The following OR6K6 variants were observed in gnomAD, a reference collection of about 807,000 sequenced individuals.
The protein encoded by OR6K6 is olfactory receptor 6K6.
OR6K6 carries 9 observed loss-of-function variants against 8.1 expected under a neutral mutation model. That is an observed-to-expected ratio of 1.11 (90% CI 0.67 to 1.94). The LOEUF (loss-of-function observed/expected upper bound fraction) is 1.94, where lower values mean the gene tolerates loss of function less well. Among genes scored for constraint, OR6K6 ranks in the 30% most tolerant of loss-of-function variants. OR6K6 has a pLI of 0.00. For missense variants in OR6K6, 400 were observed against 383.1 expected, an observed-to-expected ratio of 1.04 and a Z score of -0.37; for synonymous variants, 156 against 140.3, an observed-to-expected ratio of 1.11 and a Z score of -0.79.
At chr1:158,754,843 C>T (rs1241966698) in exon 1 of OR6K6, 1 of 1,611,594 alleles carries the variant, frequency 6.2e-7, no homozygotes, top group Non-Finnish European at 8.5e-7. Flanking sequence ...GGGTAATCAA[C>T]ATTCCAATTA....
chr1:158,755,253 G>A, exon 1 of OR6K6: 12 of 1,614,010 alleles, frequency 7.4e-6, no homozygotes, highest in Non-Finnish European at 9.3e-6. Flanking sequence ...TGACAGCAAT[G>A]GCCATTGACA....
exon 1 of OR6K6, chr1:158,755,031 A>G (rs1656954515): frequency 6.2e-7 from 1 of 1,614,076 alleles, no homozygotes; most frequent in African/African-American, 1.3e-5. Context: ...GAAACCTAAT[A>G]ATGTTCATTG....
rs763977258 is a variant in OR6K6 at position 158,755,309 on chromosome 1, T to C, written c.422T>C (p.Ile141Thr). Residue 141 changes from isoleucine (I) to threonine (T), a missense_variant, in exon 1 of 1, where the codon ATT becomes ACT. By Grantham distance (89) the Ile-to-Thr change is moderately conservative. Transcript: ENST00000641861. ...CCACTCCGTTACCCAACCATCATGATTCCCAAACTTTGTATCCAGCTGACA... is the reference window on the plus strand; with the variant it reads ...CCACTCCGTTACCCAACCATCATGACTCCCAAACTTTGTATCCAGCTGACA... The C allele has an allele frequency of 2.5e-6, 4 of 1,614,018 alleles. No individual in the cohort carries two copies. The highest frequency in any genetic ancestry group is 4.5e-5 in the East Asian group (2 of 44,892).
chr1:158,754,930 G>A lies in OR6K6; in HGVS notation c.43G>A (p.Glu15Lys), dbSNP rs767971293. 1.6e-5 allele frequency: 26 copies of A among 1,614,062 alleles called. No individual in the cohort carries two copies. Among genetic ancestry groups the A allele is most frequent in the Admixed American group, 3.3e-5 (2 of 60,008 alleles). Reference sequence around the variant, plus strand: ...CAGTGGGAATCAGACAATGGTGACTGAGTTCCTCTTCTCTATGTTCCCGCA... The same window carrying A: ...CAGTGGGAATCAGACAATGGTGACTAAGTTCCTCTTCTCTATGTTCCCGCA... Residue 15 changes from glutamate to lysine, a missense_variant, in exon 1 of 1, where the codon GAG becomes AAG. Glu to Lys is a moderately conservative substitution (Grantham distance 56). Coordinates refer to ENST00000641861, the Ensembl canonical transcript of OR6K6.
rs559439148 is a variant in OR6K6 at position 158,755,819 on chromosome 1, A to G, written c.932A>G (p.Gln311Arg). 54 of 1,610,142 alleles carry G rather than the reference A, an allele frequency of 3.4e-5. No individual in the cohort carries two copies. The South Asian group carries it at 5.9e-4, about 17-fold the overall frequency. ...GCTATTGGAAGGCTTTTCCACTATC[A>G]GAAGAGGGCTGGTTGGGCTGGGAAA... Residue 311 changes from glutamine to arginine, a missense_variant, in exon 1 of 1, where the codon CAG (glutamine) becomes CGG (arginine). By Grantham distance (43) the Gln-to-Arg change is conservative. Transcript: ENST00000641861.
rs114868329 is a variant in OR6K6, at chr1:158,755,505, T to C, written c.618T>C (p.His206=). The change falls in exon 1 of 1, where the codon CAT becomes CAC. Residue 206 remains histidine (H), a synonymous_variant. Coordinates refer to ENST00000641861, the Ensembl canonical transcript of OR6K6. ...TAGTGGTCATTGTGGATGCCATCCATGCAGCGGAAATTGTAGCCTCCTTCC... is the reference window on the plus strand; with the variant it reads ...TAGTGGTCATTGTGGATGCCATCCACGCAGCGGAAATTGTAGCCTCCTTCC... 3.1e-3 allele frequency: 5,005 copies of C among 1,614,210 alleles called. 123 individuals are homozygous for C. The African/African-American group carries it at 0.059, about 19-fold the overall frequency.
Position 158,754,726 on chromosome 1 carries a change from A to AT in OR6K6, c.-158dup. 9 of 997,108 alleles carry AT rather than the reference A, an allele frequency of 9.0e-6. No individual in the cohort carries two copies. Among genetic ancestry groups the AT allele is most frequent in the Non-Finnish European group, 1.2e-5 (8 of 665,944 alleles). 61.8% of individuals were successfully genotyped at this position (997,108 alleles called of 1,614,324 possible). A position where few individuals can be genotyped will look rare whatever the true frequency, so the allele number is the denominator to read the frequency against. On this transcript the variant is annotated 5_prime_UTR_variant, in exon 1 of 1. An upstream open reading frame in the 5' UTR loses its in-frame stop. Coordinates refer to ENST00000641861, the Ensembl canonical transcript of OR6K6. ...GGTCCAACAGCAAGTATTTCAGATG[A>AT]TTTTGGCATGGAGGTAAAGCTTAAG...
chr1:158,755,560 A>T (rs1196134148), exon 1 of OR6K6: 1 of 1,614,068 alleles, frequency 6.2e-7, no homozygotes, highest in Non-Finnish European at 8.5e-7. Context: ...CATCCGGATT[A>T]TTATAGTGAT....
exon 1 of OR6K6, chr1:158,754,781 C>T: frequency 9.5e-6 from 14 of 1,479,720 alleles, no homozygotes; most frequent in Non-Finnish European, 1.2e-5. Context: ...CTTCAGGATT[C>T]CAGAATCAGC....
chr1:158,755,520 A>T lies in OR6K6; in HGVS notation c.633A>T (p.Val211=), dbSNP rs16841033. The T allele has an allele frequency of 0.014, 21,931 of 1,614,044 alleles. 2,443 individuals carry two copies. The African/African-American group carries it at 0.25, about 18-fold the overall frequency. The change falls in exon 1 of 1, where the codon GTA becomes GTT. Residue 211 remains valine, a synonymous_variant. Coordinates refer to ENST00000641861, the Ensembl canonical transcript of OR6K6. ...ATGCCATCCATGCAGCGGAAATTGT[A>T]GCCTCCTTCCTGGTCATTGCTCTAT...
At chr1:158,754,769 T>G (rs1656947141) in exon 1 of OR6K6, 1 of 1,372,670 alleles carries the variant, frequency 7.3e-7, no homozygotes, top group South Asian at 1.3e-5. Context: ...TCTAACTGGT[T>G]TCTTCAGGAT....
exon 1 of OR6K6, chr1:158,754,899 G>A (rs775452571): frequency 6.2e-7 from 1 of 1,613,874 alleles, no homozygotes; most frequent in African/African-American, 1.3e-5. Context: ...TGACACAGTT[G>A]ACGGCCAGTG....
chr1:158,755,803 AG>A lies in OR6K6; in HGVS notation c.918del (p.Arg306SerfsTer22), dbSNP rs748334075. 50 of 1,612,946 alleles carry A rather than the reference AG, an allele frequency of 3.1e-5. No individual in the cohort carries two copies. The highest frequency in any genetic ancestry group is 3.3e-4 in the Middle Eastern group (2 of 6,072). On this transcript the variant is annotated frameshift_variant, in exon 1 of 1. Transcript: ENST00000641861. LOFTEE classifies it low-confidence loss of function (END_TRUNC). Reference sequence around the variant, plus strand: ...CAAGGACATGAAAGAGGCTATTGGAAGGCTTTTCCACTATCAGAAGAGGGCT... The same window carrying A: ...CAAGGACATGAAAGAGGCTATTGGAAGCTTTTCCACTATCAGAAGAGGGCT...
exon 1 of OR6K6, chr1:158,755,542 C>G (rs1364120982): frequency 1.9e-6 from 3 of 1,614,088 alleles, no homozygotes; most frequent in African/African-American, 1.3e-5. Flanking sequence ...GGTCATTGCT[C>G]TATCCTACAT....
At chr1:158,755,870 A>G (rs1304235219) in exon 1 of OR6K6, 5 of 1,543,760 alleles carry the variant, frequency 3.2e-6, no homozygotes, top group East Asian at 4.5e-5. Context: ...GAGACTCTAA[A>G]AAGCCTCTTG....
exon 1 of OR6K6, chr1:158,755,048 A>G: frequency 6.2e-7 from 1 of 1,614,084 alleles, no homozygotes; most frequent in African/African-American, 1.3e-5. Context: ...ATTGTCATCC[A>G]GGTGGGCATG....
exon 1 of OR6K6, chr1:158,755,243 T>C (rs1425380216): frequency 1.2e-6 from 2 of 1,614,114 alleles, no homozygotes; most frequent in Admixed American, 1.7e-5. Context: ...AGCTGTGTCC[T>C]GACAGCAATG....
At chr1:158,755,178 C>T (rs769249699) in exon 1 of OR6K6, 27 of 1,613,864 alleles carry the variant, frequency 1.7e-5, no homozygotes, top group East Asian at 2.2e-5. Flanking sequence ...AGAGCATTTC[C>T]GTGGCTGGCT....
chr1:158,754,792 T>C (rs755407756), exon 1 of OR6K6: 1 of 1,537,604 alleles, frequency 6.5e-7, no homozygotes, highest in Admixed American at 1.9e-5. Context: ...CAGAATCAGC[T>C]TGAGTAACTC....
Sources: allele counts gnomAD v4.1 joint callset, GRCh38; gene constraint gnomAD v4.1.1; transcripts MANE v1.5; gene names NCBI Gene and HGNC (gene_info 2026-07-23, HGNC 2026-07-21).